The following R3HDM1 variants were observed in gnomAD, a reference collection of about 807,000 sequenced individuals.
The protein encoded by R3HDM1 is R3H domain containing 1.
R3HDM1 carries 46 observed loss-of-function variants against 141.1 expected under a neutral mutation model. The ratio of observed to expected loss-of-function variants is 0.33; its 90% CI spans 0.26 to 0.42. The LOEUF is 0.42. Among genes scored for constraint, R3HDM1 ranks in the 10% least tolerant of loss-of-function variants. The pLI is 1.00. For missense variants in R3HDM1, 1,184 were observed against 1,368.3 expected (o/e 0.87, Z 2.12); for synonymous variants, 435 against 472.9 (o/e 0.92, Z 1.04).
intron 11 of R3HDM1, among the ~76,000 whole-genome samples, chr2:135,636,448 A>G (rs2063259335): frequency 6.6e-6 from 1 of 152,200 alleles, no homozygotes; most frequent in Non-Finnish European, 1.5e-5. Flanking sequence ...TCCAGTCTAT[A>G]TAGTTTGTGT....
intron 17 of R3HDM1, chr2:135,650,419 A>C (rs533208300): frequency 1.0e-6 from 1 of 984,506 alleles, no homozygotes; most frequent in East Asian, 1.1e-4. Context: ...TGTAGCTTAC[A>C]GCTACAGAGG....
chr2:135,713,547 T>C lies in R3HDM1; in HGVS notation c.2737-2003T>C, dbSNP rs530651484. On this transcript the variant is annotated intron_variant, in intron 23 of 26. Transcript: ENST00000683871. ...CAATATTTCTTTTTTCCTGTTGTAA[T>C]ATTGAAAAACTGTGAACAGTCTTGA... Among the ~76,000 whole-genome samples the C allele has an allele frequency of 2.3e-4, 35 of 152,360 alleles. No individual in the cohort carries two copies. In the South Asian group the frequency reaches 6.4e-3, roughly 28 times the overall value.
intron 7 of R3HDM1, chr2:135,623,146 C>T (rs1453842074): frequency 3.0e-6 from 2 of 666,588 alleles, no homozygotes; most frequent in Admixed American, 6.3e-5. Flanking sequence ...TATAAATCAT[C>T]AACCCAAAGA....
At chr2:135,685,148 G>A (rs781715318) in intron 21 of R3HDM1, among the ~76,000 whole-genome samples, 8 of 151,944 alleles carry the variant, frequency 5.3e-5, no homozygotes, top group Non-Finnish European at 8.8e-5. Context: ...CTAATTTCTT[G>A]ACAAACATAA....
At chr2:135,550,452 C>A (rs1474551234) in intron 1 of R3HDM1, among the ~76,000 whole-genome samples, 1 of 152,186 alleles carries the variant, frequency 6.6e-6, no homozygotes, top group Non-Finnish European at 1.5e-5. Flanking sequence ...ATCACTTGTA[C>A]TTCATTAGCA....
At position 135,722,937 on chromosome 2, in the gene R3HDM1, TC is replaced by T. The variant is rs1454040193; in HGVS notation, c.3049+385del. ...TACCTTCAAGTTTATATTTTAACTT[TC>T]TACTCAGCAGCCTTGTGGTGTGGTT... On this transcript the variant is annotated intron_variant, in intron 26 of 26. Transcript: ENST00000683871. Among the ~76,000 whole-genome samples, 3 of 152,256 alleles carry T rather than the reference TC, an allele frequency of 2.0e-5. No homozygotes were observed. The East Asian group carries it at 5.8e-4, about 29-fold the overall frequency.
intron 19 of R3HDM1, chr2:135,665,285 G>T (rs1460254810): frequency 3.3e-5 from 13 of 389,018 alleles, no homozygotes; most frequent in Non-Finnish European, 6.0e-5. Context: ...AAGATTTTAG[G>T]TTTACAAAGC....
chr2:135,704,872 T>C (rs60733240), intron 21 of R3HDM1, among the ~76,000 whole-genome samples: 86 of 152,344 alleles, frequency 5.6e-4, no homozygotes, highest in African/African-American at 1.9e-3. Flanking sequence ...ATGATCATAC[T>C]CTTACATTTT....
At chr2:135,620,161 C>G (rs1390971701) in intron 5 of R3HDM1, 1 of 296,144 alleles carries the variant, frequency 3.4e-6, no homozygotes, top group Non-Finnish European at 5.0e-6. Flanking sequence ...ACTGGAAGTG[C>G]CTTTTAGTGA....
chr2:135,599,488 A>C (rs1024237275), intron 1 of R3HDM1, among the ~76,000 whole-genome samples: 3 of 152,168 alleles, frequency 2.0e-5, no homozygotes, highest in African/African-American at 7.2e-5. Context: ...CTTACTGTAC[A>C]ACTATTTATT....
intron 3 of R3HDM1, chr2:135,605,269 C>A: frequency 4.3e-6 from 1 of 235,156 alleles, no homozygotes; most frequent in Non-Finnish European, 8.2e-6. Context: ...CTCATTCCAC[C>A]CTTTTCCTAA....
intron 21 of R3HDM1, among the ~76,000 whole-genome samples, chr2:135,693,557 T>G (rs1385291758): frequency 6.6e-6 from 1 of 152,172 alleles, no homozygotes; most frequent in East Asian, 1.9e-4. Context: ...ATTTGTAACC[T>G]TGAGATAGTA....
intron 1 of R3HDM1, among the ~76,000 whole-genome samples, chr2:135,542,377 G>A (rs1184900257): frequency 6.6e-6 from 1 of 152,186 alleles, no homozygotes; most frequent in Admixed American, 6.5e-5. Flanking sequence ...GAGCACAATA[G>A]AAATACCTCT....
intron 26 of R3HDM1, among the ~76,000 whole-genome samples, chr2:135,723,314 G>A (rs929985868): frequency 1.3e-5 from 2 of 151,216 alleles, no homozygotes; most frequent in East Asian, 2.0e-4. Flanking sequence ...GTAGAGACGG[G>A]GTTTCACCAT....
chr2:135,571,039 C>T (rs887958857), intron 1 of R3HDM1, among the ~76,000 whole-genome samples: 1 of 152,080 alleles, frequency 6.6e-6, no homozygotes, highest in African/African-American at 2.4e-5. Flanking sequence ...AATAACTATA[C>T]ATTGTTTTTT....
At chr2:135,675,522 G>A (rs201083776) in intron 20 of R3HDM1, 36 bp downstream of exon 20, 5 of 1,552,942 alleles carry the variant, frequency 3.2e-6, no homozygotes, top group Non-Finnish European at 4.4e-6. Context: ...GGGTAGAGAT[G>A]ATTTCGAATA....
At chr2:135,652,301 G>A (rs1378437999) in intron 18 of R3HDM1, among the ~76,000 whole-genome samples, 2 of 152,124 alleles carry the variant, frequency 1.3e-5, no homozygotes, top group Admixed American at 6.5e-5. Flanking sequence ...CTAACCTAAG[G>A]GAAACACAAT....
At chr2:135,532,265 C>T (rs1028193332) in intron 1 of R3HDM1, among the ~76,000 whole-genome samples, 3 of 152,234 alleles carry the variant, frequency 2.0e-5, no homozygotes, top group African/African-American at 7.2e-5. Context: ...AGTTGAATGA[C>T]TGTCAGTGCC....
chr2:135,581,615 A>G (rs1317650978), intron 1 of R3HDM1, among the ~76,000 whole-genome samples: 1 of 152,214 alleles, frequency 6.6e-6, no homozygotes. Flanking sequence ...TGAGTGGTGA[A>G]CAAGAGTAGA....
Sources: allele counts gnomAD v4.1 joint callset (sites outside exome capture counted in the v4.1 genomes callset), GRCh38; gene constraint gnomAD v4.1.1; transcripts MANE v1.5; gene names NCBI Gene and HGNC (gene_info 2026-07-23, HGNC 2026-07-21).